The following ROBO2 variants were observed in gnomAD, a reference collection of about 807,000 sequenced individuals.
ROBO2 encodes the protein roundabout homolog 2.
ROBO2 carries 53 observed loss-of-function variants against 160.8 expected under a neutral mutation model. The ratio of observed to expected loss-of-function variants is 0.33; its 90% CI spans 0.26 to 0.41. The LOEUF is 0.41. ROBO2 is among the 10% of genes least tolerant of loss of function. The pLI is 1.00. For missense variants in ROBO2, 1,577 were observed against 1,722.4 expected (o/e 0.92, Z 1.49); for synonymous variants, 664 against 611.7 (o/e 1.09, Z -1.26).
At chr3:76,277,382 T>C (rs1707988380) in intron 2 of ROBO2, among the ~76,000 whole-genome samples, 1 of 151,982 alleles carries the variant, frequency 6.6e-6, no homozygotes, top group African/African-American at 2.4e-5. Context: ...CTGTGTTTTA[T>C]TGTTTTAGAT....
intron 2 of ROBO2, among the ~76,000 whole-genome samples, chr3:77,408,337 GT>G (rs2076425248): frequency 1.3e-5 from 2 of 152,010 alleles, no homozygotes; most frequent in Admixed American, 1.3e-4. Flanking sequence ...GAATAAAAAG[GT>G]TTTCTATCCT....
chr3:75,926,646 T>TAA (rs1210501204), intron 1 of ROBO2, among the ~76,000 whole-genome samples: 1 of 152,180 alleles, frequency 6.6e-6, no homozygotes, highest in South Asian at 2.1e-4. Context: ...CTTAAGGTGT[T>TAA]AAGGAACATT....
At chr3:76,532,999 C>A (rs2082309137) in intron 2 of ROBO2, among the ~76,000 whole-genome samples, 1 of 152,140 alleles carries the variant, frequency 6.6e-6, no homozygotes, top group Non-Finnish European at 1.5e-5. Context: ...TGGATGATAT[C>A]CAGTTACTTT....
At chr3:76,938,885 C>T (rs956684518) in intron 2 of ROBO2, among the ~76,000 whole-genome samples, 4 of 150,710 alleles carry the variant, frequency 2.7e-5, no homozygotes, top group Non-Finnish European at 5.9e-5. Context: ...GCAGGAGAAT[C>T]GCTTAAACCC....
At chr3:76,348,731 T>G (rs748427596) in intron 2 of ROBO2, among the ~76,000 whole-genome samples, 19 of 152,232 alleles carry the variant, frequency 1.2e-4, no homozygotes, top group Admixed American at 3.9e-4. Flanking sequence ...CTGGAGGAAT[T>G]TATCCACAGA....
intron 2 of ROBO2, among the ~76,000 whole-genome samples, chr3:77,200,106 A>T (rs2082690766): frequency 6.6e-6 from 1 of 150,770 alleles, no homozygotes; most frequent in Admixed American, 6.6e-5. Flanking sequence ...ACGACATTAG[A>T]AGGAGACACA....
At chr3:77,019,154 TA>T (rs1212016072) in intron 2 of ROBO2, among the ~76,000 whole-genome samples, 1 of 152,096 alleles carries the variant, frequency 6.6e-6, no homozygotes, top group Non-Finnish European at 1.5e-5. Context: ...CAAAATACCA[TA>T]AACTGGGTAT....
intron 15 of ROBO2, among the ~76,000 whole-genome samples, chr3:77,579,478 G>A (rs2093856695): frequency 6.6e-6 from 1 of 152,026 alleles, no homozygotes; most frequent in Admixed American, 6.6e-5. Flanking sequence ...AAATTACTTA[G>A]ATGTCTACCT....
At chr3:77,296,190 A>G (rs1270465606) in intron 2 of ROBO2, among the ~76,000 whole-genome samples, 1 of 151,742 alleles carries the variant, frequency 6.6e-6, no homozygotes, top group African/African-American at 2.4e-5. Context: ...CACCCCAGAC[A>G]TAAAGTAAAA....
chr3:77,616,394 T>A (rs913743017), intron 21 of ROBO2, among the ~76,000 whole-genome samples: 1 of 152,048 alleles, frequency 6.6e-6, no homozygotes, highest in Admixed American at 6.6e-5. Flanking sequence ...ATACTAGTTA[T>A]AATCACTGAA....
intron 2 of ROBO2, among the ~76,000 whole-genome samples, chr3:77,112,607 G>A (rs568434281): frequency 1.3e-5 from 2 of 152,076 alleles, no homozygotes; most frequent in Non-Finnish European, 2.9e-5. Flanking sequence ...AGGAATTATT[G>A]TTCCAGGAGC....
At chr3:77,502,510 A>G (rs988915755) in intron 5 of ROBO2, among the ~76,000 whole-genome samples, 2 of 152,132 alleles carry the variant, frequency 1.3e-5, no homozygotes, top group East Asian at 1.9e-4. Flanking sequence ...TTTCTTCTCA[A>G]CACTATATTG....
chr3:76,196,871 C>T (rs1702285210), intron 2 of ROBO2, among the ~76,000 whole-genome samples: 1 of 152,116 alleles, frequency 6.6e-6, no homozygotes, highest in Non-Finnish European at 1.5e-5. Flanking sequence ...TATAAATGCT[C>T]ACTAGGTATT....
Position 76,157,101 on chromosome 3 carries a change from G to T in ROBO2, c.109+219499G>T, listed in dbSNP as rs78047293. The stretch of plus-strand genomic sequence containing the variant: ...TGATATCCTCGGAGTTCAAGGAATG[G>T]TCATTTTTCCTGGCTTAGGTAGCCA... On this transcript the variant is annotated intron_variant, in intron 2 of 26. Coordinates refer to the ROBO2 transcript ENST00000487694. Among the ~76,000 whole-genome samples, 546 of 152,278 alleles carry T rather than the reference G, an allele frequency of 3.6e-3. 4 individuals are homozygous for T. Among genetic ancestry groups the T allele is most frequent in the African/African-American group, 0.012 (517 of 41,574 alleles).
intron 2 of ROBO2, among the ~76,000 whole-genome samples, chr3:76,378,297 A>C (rs1012135591): frequency 6.6e-6 from 1 of 152,174 alleles, no homozygotes; most frequent in Admixed American, 6.5e-5. Flanking sequence ...CTGAGATGTC[A>C]GTTATTTCAA....
chr3:77,105,203 C>G lies in ROBO2; in HGVS notation c.388+6863C>G, dbSNP rs190766766. On this transcript the variant is annotated intron_variant, in intron 2 of 25. Coordinates refer to ENST00000461745, the Ensembl canonical transcript of ROBO2. ...AGTCTAAGAGTGGGAAAACAAAGAA[C>G]TATTATCATTCTCTATCTTTCTTAA... 3.3e-5 allele frequency among the ~76,000 whole-genome samples: 5 copies of G among 152,304 alleles called. No homozygotes were observed. In the East Asian group the frequency reaches 9.6e-4, roughly 29 times the overall value.
intron 5 of ROBO2, among the ~76,000 whole-genome samples, chr3:77,496,053 A>T (rs527472201): frequency 6.6e-6 from 1 of 152,326 alleles, no homozygotes; most frequent in East Asian, 1.9e-4. Context: ...CACTATCAGA[A>T]GGTATGATAT....
intron 2 of ROBO2, among the ~76,000 whole-genome samples, chr3:76,478,363 A>AT (rs1403356512): frequency 5.3e-5 from 8 of 151,608 alleles, no homozygotes; most frequent in African/African-American, 7.3e-5. Flanking sequence ...TGAACTCATC[A>AT]TTTTTTATGG....
chr3:76,172,136 G>T (rs2073061992), intron 2 of ROBO2, among the ~76,000 whole-genome samples: 1 of 151,978 alleles, frequency 6.6e-6, no homozygotes, highest in African/African-American at 2.4e-5. Flanking sequence ...ATGGTTTCCA[G>T]CTTCATCCAT....
Sources: gnomAD v4.1 joint callset for allele counts (sites outside exome capture counted in the v4.1 genomes callset) on GRCh38, gnomAD v4.1.1 for gene constraint, MANE v1.5 for transcripts, NCBI Gene and HGNC (gene_info 2026-07-23, HGNC 2026-07-21) for gene names.